The following SOD2 variants were observed in gnomAD, a reference collection of about 807,000 sequenced individuals.
SOD2 encodes superoxide dismutase [Mn], mitochondrial.
In SOD2, 11 loss-of-function variants were observed where a neutral mutation model predicts 27.0. That is an observed-to-expected ratio of 0.41 (90% CI 0.26 to 0.67). The LOEUF is 0.67. SOD2 is among the 30% of genes least tolerant of loss of function. The pLI, the probability that SOD2 is intolerant of heterozygous loss-of-function variation, is 0.34. For synonymous variants in SOD2, 105 were observed against 103.0 expected (o/e 1.02, Z -0.12); for missense variants, 250 against 274.5 (o/e 0.91, Z 0.63).
At chr6:159,705,747 A>C (rs937066040) in intron 1 of SOD2, among the ~76,000 whole-genome samples, 1 of 152,232 alleles carries the variant, frequency 6.6e-6, no homozygotes, top group Admixed American at 6.5e-5. Flanking sequence ...CCAACATTCA[A>C]ATTCAGGAAA....
chr6:159,681,348 C>G lies in SOD2; in HGVS notation c.*1145G>C, dbSNP rs961156140. ...GAGTCACCTAGAGACATCCTTAACA[C>G]GTGCCCCTGAGCTACTTTTCAGAAA... On this transcript the variant is annotated 3_prime_UTR_variant, in exon 5 of 5. Transcript: ENST00000538183. 6.6e-6 allele frequency: 1 copy of G among 152,176 alleles called. No homozygotes were observed. Among genetic ancestry groups the G allele is most frequent in the Non-Finnish European group, 1.5e-5 (1 of 68,086 alleles). 9.4% of individuals were successfully genotyped at this position (152,176 alleles called of 1,614,324 possible).
At chr6:159,721,786 A>T (rs1431999019) in intron 1 of SOD2, among the ~76,000 whole-genome samples, 1 of 150,308 alleles carries the variant, frequency 6.7e-6, no homozygotes, top group Non-Finnish European at 1.5e-5. Context: ...CGGCCTCCCA[A>T]AGTGCTGGGA....
chr6:159,700,547 G>A (rs906253328), intron 1 of SOD2, among the ~76,000 whole-genome samples: 8 of 151,636 alleles, frequency 5.3e-5, no homozygotes, highest in African/African-American at 1.5e-4. Flanking sequence ...CCAGCTACTC[G>A]GGAGGCTGAG....
At chr6:159,683,422 T>G (rs1358274880) in intron 4 of SOD2, among the ~76,000 whole-genome samples, 1 of 152,050 alleles carries the variant, frequency 6.6e-6, no homozygotes, top group Non-Finnish European at 1.5e-5. Context: ...GAGGCGGAAG[T>G]TGTAGTGAGC....
upstream of SOD2, among the ~76,000 whole-genome samples, chr6:159,730,247 T>C (rs1047067720): frequency 5.9e-5 from 9 of 152,202 alleles, no homozygotes; most frequent in African/African-American, 2.2e-4. Flanking sequence ...TGTTATTAAA[T>C]GTGTGATTCA....
intron 1 of SOD2, chr6:159,755,790 T>TTTTTTTTTTTTTTTTTTTTG (rs1779991801): frequency 1.3e-5 from 11 of 848,084 alleles, no homozygotes; most frequent in Non-Finnish European, 1.4e-5. Context: ...TTTTTTTTTT[T>TTTTTTTTTTTTTTTTTTTTG]GCTTCAATAC....
At chr6:159,727,373 C>CTGGCAGGAGGCGGGAGGCGGGAGGCGGG, upstream of SOD2, 3 of 623,034 alleles carry the variant, frequency 4.8e-6, no homozygotes, top group Non-Finnish European at 6.2e-6. Context: ...AGCGGGGAGG[C>CTGGCAGGAGGCGGGAGGCGGGAGGCGGG]TGGCGGGAGG....
chr6:159,704,029 T>C (rs1777573997), intron 1 of SOD2, among the ~76,000 whole-genome samples: 1 of 152,320 alleles, frequency 6.6e-6, no homozygotes. Context: ...CTCACGCCTG[T>C]AATCCCAGCA....
chr6:159,743,604 G>T, intron 1 of SOD2: 1 of 1,486,156 alleles, frequency 6.7e-7, no homozygotes, highest in Non-Finnish European at 9.1e-7. Flanking sequence ...TATTGTTCTT[G>T]ACAGAGGTAT....
At chr6:159,755,769 T>TC (rs1779989545) in intron 1 of SOD2, 14 of 749,698 alleles carry the variant, frequency 1.9e-5, no homozygotes, top group African/African-American at 6.9e-5. Flanking sequence ...TCTTTTCTTT[T>TC]TTTTTTTTTT....
chr6:159,702,498 A>G (rs1777539354), intron 1 of SOD2, among the ~76,000 whole-genome samples: 1 of 151,122 alleles, frequency 6.6e-6, no homozygotes, highest in South Asian at 2.1e-4. Context: ...TTTCACCATG[A>G]TGACCAGGCT....
At chr6:159,743,539 T>A in intron 1 of SOD2, 1 of 937,384 alleles carries the variant, frequency 1.1e-6, no homozygotes, top group Non-Finnish European at 1.5e-6. Flanking sequence ...TCGCCTGTTA[T>A]AAAAGTAGTT....
chr6:159,685,459 C>T, intron 3 of SOD2, among the ~76,000 whole-genome samples: 1 of 152,052 alleles, frequency 6.6e-6, no homozygotes. Flanking sequence ...TCAGGCTGGT[C>T]TCAAACTCCC....
rs546830649 is a variant in SOD2, at chr6:159,755,349, G to A, written c.-336+5688C>T. ...GACTTTCCTTCTTCTCCAGGGAATG[G>A]TAATAAGTCCTCCAACAGCTCAGAG... is the stretch of plus-strand genomic sequence containing the variant. On this transcript the variant is annotated intron_variant, in intron 1 of 7. Transcript: ENST00000546087. 14 of 1,614,238 alleles carry A rather than the reference G, an allele frequency of 8.7e-6. No individual in the cohort carries two copies. In the South Asian group the frequency reaches 1.4e-4, roughly 16 times the overall value.
intron 3 of SOD2, among the ~76,000 whole-genome samples, chr6:159,687,196 T>C (rs1053946200): frequency 1.3e-5 from 2 of 152,162 alleles, no homozygotes; most frequent in South Asian, 4.1e-4. Context: ...AGAAAGTTCA[T>C]CTTTTCTAGA....
At chr6:159,746,841 A>AT (rs2114940555), upstream of SOD2, among the ~76,000 whole-genome samples, 1 of 152,242 alleles carries the variant, frequency 6.6e-6, no homozygotes, top group Non-Finnish European at 1.5e-5. Flanking sequence ...TTCTAGTCTG[A>AT]TTCACCTCTC....
At chr6:159,743,545 T>G in intron 1 of SOD2, 2 of 960,568 alleles carry the variant, frequency 2.1e-6, no homozygotes, top group Non-Finnish European at 3.0e-6. Flanking sequence ...GTTATAAAAG[T>G]AGTTAGGATG....
At chr6:159,712,656 C>T in intron 1 of SOD2, 1 of 333,664 alleles carries the variant, frequency 3.0e-6, no homozygotes, top group Non-Finnish European at 6.0e-6. Flanking sequence ...ACTCACAATG[C>T]TCTGATCACC....
chr6:159,684,643 T>G (rs1780103532), intron 4 of SOD2, among the ~76,000 whole-genome samples: 2 of 152,144 alleles, frequency 1.3e-5, no homozygotes, highest in Admixed American at 1.3e-4. Context: ...AAAACATGTT[T>G]GTTAATGTAC....
Sources: allele counts gnomAD v4.1 joint callset (sites outside exome capture counted in the v4.1 genomes callset), GRCh38; gene constraint gnomAD v4.1.1; transcripts MANE v1.5; gene names NCBI Gene and HGNC (gene_info 2026-07-23, HGNC 2026-07-21).